The following NAALADL2 variants were observed in gnomAD, a reference collection of about 807,000 sequenced individuals.
NAALADL2 encodes inactive N-acetylated-alpha-linked acidic dipeptidase-like protein 2.
Under a neutral mutation model 87.2 loss-of-function variants are expected in NAALADL2, and 76 were observed. The ratio of observed to expected loss-of-function variants is 0.87; its 90% confidence interval spans 0.72 to 1.05. The LOEUF is 1.05. Among genes scored for constraint, NAALADL2 ranks in the 50% least tolerant of loss-of-function variants. NAALADL2 has a pLI of 0.00. For synonymous variants in NAALADL2, 354 were observed against 331.0 expected, an observed-to-expected ratio of 1.07 and a Z score of -0.75; for missense variants, 1,089 against 945.8, an observed-to-expected ratio of 1.15 and a Z score of -1.99.
chr3:175,190,894 C>T (rs897615318), intron 2 of NAALADL2, among the ~76,000 whole-genome samples: 13 of 149,004 alleles, frequency 8.7e-5, no homozygotes, highest in Non-Finnish European at 1.6e-4. Context: ...AGGAGAATGG[C>T]GTGAACCCGG....
chr3:175,761,958 T>C (rs1748078578), intron 13 of NAALADL2, among the ~76,000 whole-genome samples: 1 of 152,184 alleles, frequency 6.6e-6, no homozygotes, highest in African/African-American at 2.4e-5. Context: ...CTTTTCATTC[T>C]CTTAACAGTA....
chr3:175,542,842 T>C (rs1712611315), intron 9 of NAALADL2, among the ~76,000 whole-genome samples: 1 of 152,236 alleles, frequency 6.6e-6, no homozygotes, highest in African/African-American at 2.4e-5. Flanking sequence ...ACTTGTGACC[T>C]TGAAGTGCCT....
chr3:174,998,724 T>G (rs1049387023), intron 1 of NAALADL2, among the ~76,000 whole-genome samples: 1 of 152,190 alleles, frequency 6.6e-6, no homozygotes, highest in African/African-American at 2.4e-5. Context: ...GAAACTCATC[T>G]TAGGCCAGAA....
At chr3:175,782,103 CATT>C (rs1751203088) in intron 13 of NAALADL2, among the ~76,000 whole-genome samples, 2 of 150,946 alleles carry the variant, frequency 1.3e-5, no homozygotes, top group African/African-American at 2.4e-5. Context: ...TCCAGTCTCT[CATT>C]GTTGGACATT....
intron 1 of NAALADL2, among the ~76,000 whole-genome samples, chr3:174,534,233 C>T (rs1694024563): frequency 6.6e-6 from 1 of 151,992 alleles, no homozygotes; most frequent in Non-Finnish European, 1.5e-5. Context: ...TGTTTAATAT[C>T]TAAGGAAAAG....
chr3:175,648,690 A>C (rs1730350218), intron 11 of NAALADL2, among the ~76,000 whole-genome samples: 1 of 152,184 alleles, frequency 6.6e-6, no homozygotes, highest in Admixed American at 6.5e-5. Flanking sequence ...TGTACTCCAG[A>C]GAACTTTCGT....
At chr3:175,427,534 T>C (rs1016757266) in intron 5 of NAALADL2, among the ~76,000 whole-genome samples, 4 of 152,198 alleles carry the variant, frequency 2.6e-5, no homozygotes, top group African/African-American at 7.2e-5. Flanking sequence ...AAGAATATTA[T>C]ACAACATTTT....
intron 10 of NAALADL2, among the ~76,000 whole-genome samples, chr3:175,621,733 A>G (rs1726258631): frequency 6.6e-6 from 1 of 152,240 alleles, no homozygotes; most frequent in African/African-American, 2.4e-5. Flanking sequence ...TAAGTAATCT[A>G]GAGATGATAC....
At chr3:174,585,060 T>C (rs1716553556) in intron 2 of NAALADL2, among the ~76,000 whole-genome samples, 1 of 152,172 alleles carries the variant, frequency 6.6e-6, no homozygotes, top group Non-Finnish European at 1.5e-5. Context: ...TATCTGTATA[T>C]ATAAGAATAA....
chr3:174,912,855 T>G (rs938612020), intron 1 of NAALADL2, among the ~76,000 whole-genome samples: 1 of 152,220 alleles, frequency 6.6e-6, no homozygotes, highest in African/African-American at 2.4e-5. Flanking sequence ...GGATTATTTA[T>G]GAAAATATTT....
chr3:174,630,410 T>G (rs1721993793), intron 2 of NAALADL2, among the ~76,000 whole-genome samples: 1 of 152,220 alleles, frequency 6.6e-6, no homozygotes, highest in Non-Finnish European at 1.5e-5. Flanking sequence ...AAAGCTCATT[T>G]ATAAGCCAGT....
intron 2 of NAALADL2, among the ~76,000 whole-genome samples, chr3:174,665,316 A>G (rs1725863949): frequency 6.6e-6 from 1 of 152,146 alleles, no homozygotes; most frequent in South Asian, 2.1e-4. Flanking sequence ...ACATGGAATC[A>G]GGTACTTGGG....
intron 10 of NAALADL2, among the ~76,000 whole-genome samples, chr3:175,607,686 A>G (rs1291552674): frequency 1.3e-5 from 2 of 152,160 alleles, no homozygotes; most frequent in East Asian, 1.9e-4. Flanking sequence ...AAAACATGTG[A>G]TTATGCTTCT....
intron 1 of NAALADL2, among the ~76,000 whole-genome samples, chr3:174,955,564 A>G (rs995885034): frequency 2.0e-5 from 3 of 152,074 alleles, no homozygotes; most frequent in African/African-American, 7.2e-5. Flanking sequence ...TGGCAGAACA[A>G]TGCTTGTCTG....
intron 1 of NAALADL2, among the ~76,000 whole-genome samples, chr3:175,024,393 G>A (rs1437053509): frequency 1.3e-5 from 2 of 152,038 alleles, no homozygotes; most frequent in African/African-American, 2.4e-5. Flanking sequence ...CAGCAGCTGC[G>A]AGTAGACTAC....
intron 10 of NAALADL2, among the ~76,000 whole-genome samples, chr3:175,624,785 T>A (rs1244631074): frequency 6.6e-6 from 1 of 152,002 alleles, no homozygotes; most frequent in Non-Finnish European, 1.5e-5. Flanking sequence ...ACTTTAAGAC[T>A]GAAAACATAT....
intron 2 of NAALADL2, among the ~76,000 whole-genome samples, chr3:175,201,551 C>T (rs761061755): frequency 6.6e-6 from 1 of 152,092 alleles, no homozygotes; most frequent in African/African-American, 2.4e-5. Context: ...GACATTATAA[C>T]TAGGTTTGAC....
rs569759718 is a variant in NAALADL2, at chr3:174,809,237, G to A, written c.-9+71491G>A. On this transcript the variant is annotated intron_variant, in intron 3 of 3. Coordinates refer to the NAALADL2 transcript ENST00000434257. Reference sequence around the variant, plus strand: ...TAGAAACAGTACTGGGGATATATACGCAGGCTCCATATGCTTTGGAGGTAT... The same window carrying A: ...TAGAAACAGTACTGGGGATATATACACAGGCTCCATATGCTTTGGAGGTAT... Among the ~76,000 whole-genome samples the A allele has an allele frequency of 3.9e-5, 6 of 152,216 alleles. No individual in the cohort carries two copies. In the South Asian group the frequency reaches 8.3e-4, roughly 21 times the overall value.
intron 3 of NAALADL2, among the ~76,000 whole-genome samples, chr3:174,818,458 T>C (rs575137115): frequency 2.0e-5 from 3 of 152,268 alleles, no homozygotes; most frequent in Non-Finnish European, 2.9e-5. Context: ...ATATATTTTA[T>C]CTAAAAAAAA....
Sources: gnomAD v4.1 joint callset for allele counts (sites outside exome capture counted in the v4.1 genomes callset) on GRCh38, gnomAD v4.1.1 for gene constraint, MANE v1.5 for transcripts, NCBI Gene and HGNC (gene_info 2026-07-23, HGNC 2026-07-21) for gene names.